The following TNIK variants were observed in gnomAD, a reference collection of about 807,000 sequenced individuals.
TNIK encodes the protein TRAF2 and NCK-interacting protein kinase.
Under a neutral mutation model 191.3 loss-of-function variants are expected in TNIK, and 49 were observed. That is an observed-to-expected ratio of 0.26 (90% confidence interval 0.20 to 0.32). TNIK has a LOEUF of 0.32. TNIK is among the 10% of genes least tolerant of loss of function. The pLI, the probability that TNIK is intolerant of heterozygous loss-of-function variation, is 1.00. For missense variants in TNIK, 1,155 were observed against 1,702.3 expected (o/e 0.68, Z 5.66); for synonymous variants, 594 against 600.9 (o/e 0.99, Z 0.17).
chr3:171,134,981 G>A (rs1014292366), intron 15 of TNIK, among the ~76,000 whole-genome samples: 10 of 152,186 alleles, frequency 6.6e-5, no homozygotes, highest in African/African-American at 2.2e-4. Flanking sequence ...TACAGAAGAG[G>A]TTGCAGTAGG....
chr3:171,398,939 C>T (rs1212594474), intron 1 of TNIK, among the ~76,000 whole-genome samples: 1 of 152,168 alleles, frequency 6.6e-6, no homozygotes, highest in Admixed American at 6.5e-5. Context: ...CTCCTTAGCC[C>T]CAAGAATCAG....
At chr3:171,246,815 T>C (rs750601896) in intron 2 of TNIK, among the ~76,000 whole-genome samples, 8 of 152,122 alleles carry the variant, frequency 5.3e-5, no homozygotes, top group Non-Finnish European at 8.8e-5. Context: ...GCTGGCCGCT[T>C]GAGAAGTTGA....
chr3:171,168,363 A>G (rs1038939239), intron 9 of TNIK, among the ~76,000 whole-genome samples: 8 of 152,150 alleles, frequency 5.3e-5, no homozygotes, highest in Admixed American at 3.3e-4. Flanking sequence ...CAGGGGAGAT[A>G]CAGGAGTGGA....
chr3:171,392,486 T>A (rs1051907539), intron 1 of TNIK, among the ~76,000 whole-genome samples: 8 of 152,048 alleles, frequency 5.3e-5, no homozygotes, highest in Non-Finnish European at 8.8e-5. Flanking sequence ...TATTTTATTA[T>A]TAAGAAAATA....
intron 2 of TNIK, among the ~76,000 whole-genome samples, chr3:171,244,424 G>A (rs1159233036): frequency 6.6e-6 from 1 of 152,042 alleles, no homozygotes; most frequent in Non-Finnish European, 1.5e-5. Context: ...GAGAGAACTC[G>A]TTTACTCAAA....
intron 22 of TNIK, among the ~76,000 whole-genome samples, chr3:171,100,591 A>G (rs1723340134): frequency 6.6e-6 from 1 of 152,068 alleles, no homozygotes; most frequent in Admixed American, 6.6e-5. Flanking sequence ...TGGAAAAATT[A>G]GCATCTCATT....
chr3:171,316,951 CATATAAAATATATAATTATAT>C (rs1560418961), intron 2 of TNIK, among the ~76,000 whole-genome samples: 26 of 83,934 alleles, frequency 3.1e-4, no homozygotes, highest in African/African-American at 1.0e-3. Flanking sequence ...TGATATATAT[CATATAAAATATATAATTATAT>C]GATATATATC....
chr3:171,208,826 C>G (rs1211645840), intron 4 of TNIK, among the ~76,000 whole-genome samples: 1 of 152,166 alleles, frequency 6.6e-6, no homozygotes, highest in Non-Finnish European at 1.5e-5. Flanking sequence ...TCCCAAAGTG[C>G]TGGGATTACA....
intron 1 of TNIK, among the ~76,000 whole-genome samples, chr3:171,398,835 A>G (rs1185019815): frequency 6.6e-6 from 1 of 152,074 alleles, no homozygotes; most frequent in Non-Finnish European, 1.5e-5. Flanking sequence ...TCCCTGGAAC[A>G]TTTTTCCCCT....
At chr3:171,214,292 G>T (rs1291352876) in intron 3 of TNIK, among the ~76,000 whole-genome samples, 1 of 151,786 alleles carries the variant, frequency 6.6e-6, no homozygotes, top group Non-Finnish European at 1.5e-5. Context: ...CCCATCAAGG[G>T]AGATGAGTTA....
Position 171,316,982 on chromosome 3 carries a change from CATAT to C in TNIK, c.123+52634_123+52637del, listed in dbSNP as rs950405359. ...AAATATATAATTATATGATATATAT[CATAT>C]AAAATATATAATTATATGATATATA... is the stretch of plus-strand genomic sequence containing the variant. On this transcript the variant is annotated intron_variant, in intron 2 of 32. Coordinates refer to ENST00000436636, the MANE Select transcript of TNIK (RefSeq NM_015028.4). Among the ~76,000 whole-genome samples, 3 of 79,556 alleles carry C rather than the reference CATAT, an allele frequency of 3.8e-5. 1 individual carries two copies. The highest frequency in any genetic ancestry group is 1.4e-4 in the African/African-American group (3 of 22,194). The allele number at this position is 79,556 out of a possible 152,430, so 52.2% of individuals were successfully genotyped here.
At chr3:171,276,737 A>C (rs909740489) in intron 2 of TNIK, among the ~76,000 whole-genome samples, 23 of 152,234 alleles carry the variant, frequency 1.5e-4, no homozygotes, top group Non-Finnish European at 2.5e-4. Context: ...TTTACAAAGT[A>C]GGGAATCTAA....
intron 2 of TNIK, among the ~76,000 whole-genome samples, chr3:171,326,452 GA>G (rs200632282): frequency 2.1e-5 from 3 of 143,820 alleles, no homozygotes; most frequent in African/African-American, 4.9e-5. Context: ...TCTCCCACAA[GA>G]AAAAAAAAGA....
In TNIK at chr3:171,460,193, C is replaced by G; in HGVS notation, c.-130G>C. ...CAGAGGCCCCGGGCCCAGCCTCCCC[C>G]GCCCACCCCAGCCCCACAGCGCCGG... On this transcript the variant is annotated 5_prime_UTR_variant, in exon 1 of 33. Coordinates refer to ENST00000436636, the MANE Select transcript of TNIK (RefSeq NM_015028.4). This position sits in a 1 kb window ranked among gnomAD's most constrained non-coding sequence, Gnocchi z 6.8. 1.7e-6 allele frequency: 2 copies of G among 1,185,856 alleles called. No individual in the cohort carries two copies. Among genetic ancestry groups the G allele is most frequent in the South Asian group, 2.7e-5 (2 of 72,750 alleles). 73.5% of individuals were successfully genotyped at this position (1,185,856 alleles called of 1,614,324 possible).
At chr3:171,335,706 A>G (rs1756890070) in intron 2 of TNIK, among the ~76,000 whole-genome samples, 1 of 152,218 alleles carries the variant, frequency 6.6e-6, no homozygotes, top group Non-Finnish European at 1.5e-5. Flanking sequence ...ACTTTTGGCT[A>G]TTATGACTAA....
intron 9 of TNIK, among the ~76,000 whole-genome samples, chr3:171,170,522 G>GTT (rs1735132864): frequency 6.6e-6 from 1 of 152,156 alleles, no homozygotes; most frequent in Non-Finnish European, 1.5e-5. Context: ...ACTTCTATGT[G>GTT]TCTCAGTTTC....
chr3:171,272,485 G>A (rs958501542), intron 2 of TNIK, among the ~76,000 whole-genome samples: 10 of 152,134 alleles, frequency 6.6e-5, no homozygotes, highest in African/African-American at 1.7e-4. Flanking sequence ...TGAAGTGTCC[G>A]TTTGGTCTTT....
rs558245615 is a variant in TNIK, at chr3:171,093,830, C to T, written c.2721+9G>A. The T allele has an allele frequency of 2.5e-6, 4 of 1,612,774 alleles. No homozygotes were observed. The highest frequency in any genetic ancestry group is 4.5e-5 in the East Asian group (2 of 44,794). ...GCATTTCCTCTACACAGTTTTTATA[C>T]CAACTTACCTCTCTAATCATCAAGG... On this transcript the variant is annotated intron_variant, in intron 23 of 32. Transcript: ENST00000436636.
intron 31 of TNIK, 49 bp downstream of exon 31, chr3:171,066,527 T>G: frequency 6.2e-7 from 1 of 1,609,050 alleles, no homozygotes; most frequent in Non-Finnish European, 8.5e-7. Flanking sequence ...GATTTTCGTT[T>G]CATTTGGGGG....
Sources: allele counts gnomAD v4.1 joint callset (sites outside exome capture counted in the v4.1 genomes callset), GRCh38; gene constraint gnomAD v4.1.1; non-coding constraint Gnocchi (gnomAD v3.1); transcripts MANE v1.5; gene names NCBI Gene and HGNC (gene_info 2026-07-23, HGNC 2026-07-21).